The following RBFOX1 variants were observed in gnomAD, a reference collection of about 807,000 sequenced individuals.
RBFOX1 encodes RNA binding protein fox-1 homolog 1.
RBFOX1 carries 8 observed loss-of-function variants against 57.7 expected under a neutral mutation model. The ratio of observed to expected loss-of-function variants is 0.14; its 90% CI spans 0.08 to 0.25. The LOEUF is 0.25. RBFOX1 is among the 10% of genes least tolerant of loss of function. The pLI is 1.00. For missense variants in RBFOX1, 611 were observed against 548.5 expected (o/e 1.11, Z -1.14); for synonymous variants, 326 against 222.4 (o/e 1.47, Z -4.15).
At chr16:6,751,484 T>G (rs1380202124) in intron 3 of RBFOX1, among the ~76,000 whole-genome samples, 1 of 152,190 alleles carries the variant, frequency 6.6e-6, no homozygotes, top group Non-Finnish European at 1.5e-5. Context: ...TCTTAGTCCA[T>G]GTACAGCAAC....
chr16:6,597,776 G>A (rs1386816694), intron 2 of RBFOX1, among the ~76,000 whole-genome samples: 1 of 152,168 alleles, frequency 6.6e-6, no homozygotes, highest in Non-Finnish European at 1.5e-5. Flanking sequence ...CAGTTTAAAA[G>A]GAGCAAGCCA....
At chr16:5,339,987 T>C (rs1214760940) in intron 1 of RBFOX1, among the ~76,000 whole-genome samples, 1 of 152,148 alleles carries the variant, frequency 6.6e-6, no homozygotes, top group African/African-American at 2.4e-5. Context: ...TGTTGAGGAA[T>C]GAAGTGTACA....
intron 4 of RBFOX1, among the ~76,000 whole-genome samples, chr16:7,104,535 G>C (rs1471990310): frequency 6.6e-6 from 1 of 152,134 alleles, no homozygotes; most frequent in East Asian, 1.9e-4. Flanking sequence ...GCTTACCTAA[G>C]ATTACGCAAA....
intron 3 of RBFOX1, among the ~76,000 whole-genome samples, chr16:6,749,460 C>T (rs769626526): frequency 2.6e-5 from 4 of 152,092 alleles, no homozygotes; most frequent in African/African-American, 4.8e-5. Flanking sequence ...CATAACCGTC[C>T]GGGGAGGTAG....
chr16:6,910,420 G>T (rs1241747568), intron 3 of RBFOX1, among the ~76,000 whole-genome samples: 1 of 152,098 alleles, frequency 6.6e-6, no homozygotes, highest in Non-Finnish European at 1.5e-5. Flanking sequence ...CAGGAATTCT[G>T]TCCCCAGGTT....
chr16:7,456,102 G>A (rs72771181), intron 4 of RBFOX1, among the ~76,000 whole-genome samples: 130 of 152,280 alleles, frequency 8.5e-4, no homozygotes, highest in Non-Finnish European at 1.4e-3. Flanking sequence ...TTTTGAACAA[G>A]CGTTCCTACA....
intron 3 of RBFOX1, among the ~76,000 whole-genome samples, chr16:5,839,296 C>G (rs2056552822): frequency 6.6e-6 from 1 of 152,122 alleles, no homozygotes; most frequent in Non-Finnish European, 1.5e-5. Flanking sequence ...AAATCAGAAC[C>G]AGAAATCTCA....
chr16:6,039,541 G>T (rs548685359), intron 1 of RBFOX1, among the ~76,000 whole-genome samples: 34 of 152,126 alleles, frequency 2.2e-4, no homozygotes, highest in Admixed American at 2.2e-3. Context: ...CTCATTTAAA[G>T]CAAAACCTTT....
chr16:7,512,908 A>G (rs2152077811), intron 4 of RBFOX1, among the ~76,000 whole-genome samples: 1 of 152,330 alleles, frequency 6.6e-6, no homozygotes, highest in East Asian at 1.9e-4. Context: ...CACAGGGAGT[A>G]ACACACCAAC....
intron 4 of RBFOX1, among the ~76,000 whole-genome samples, chr16:7,372,963 G>T (rs527927187): frequency 1.2e-4 from 18 of 149,244 alleles, no homozygotes; most frequent in African/African-American, 4.5e-4. Context: ...ATGGAGTCTT[G>T]CTCTGTTGCC....
chr16:6,243,711 C>A (rs1425321930), intron 1 of RBFOX1, among the ~76,000 whole-genome samples: 1 of 152,186 alleles, frequency 6.6e-6, no homozygotes, highest in Non-Finnish European at 1.5e-5. Flanking sequence ...GAACCTGGTT[C>A]AGCCAGGCTG....
At chr16:6,168,979 C>T (rs2152761081) in intron 1 of RBFOX1, among the ~76,000 whole-genome samples, 1 of 152,212 alleles carries the variant, frequency 6.6e-6, no homozygotes, top group South Asian at 2.1e-4. Flanking sequence ...TGGGGTGCTA[C>T]AGCATGAATT....
chr16:6,639,762 C>G (rs987934774), intron 2 of RBFOX1, among the ~76,000 whole-genome samples: 8 of 152,158 alleles, frequency 5.3e-5, no homozygotes, highest in South Asian at 4.2e-4. Context: ...GCCTGTAGTC[C>G]CAGCTACTCG....
intron 3 of RBFOX1, among the ~76,000 whole-genome samples, chr16:6,747,358 G>A (rs1234499006): frequency 6.6e-6 from 1 of 152,026 alleles, no homozygotes; most frequent in African/African-American, 2.4e-5. Flanking sequence ...AGTGAGCCAA[G>A]ATGGCCCCAT....
chr16:6,253,857 T>C (rs2097643487), intron 1 of RBFOX1, among the ~76,000 whole-genome samples: 1 of 152,148 alleles, frequency 6.6e-6, no homozygotes, highest in Non-Finnish European at 1.5e-5. Flanking sequence ...CTTGCTTGCA[T>C]TGGTATTCCT....
Position 6,076,332 on chromosome 16 carries a change from G to A in RBFOX1, c.-127+56340G>A, listed in dbSNP as rs183328613. ...AAAAACAACAAACGCACAAACACAC[G>A]CGCACACACACACATACACACACAC... On this transcript the variant is annotated intron_variant, in intron 1 of 15. Transcript: ENST00000550418. Among the ~76,000 whole-genome samples, 97 of 148,362 alleles carry A rather than the reference G, an allele frequency of 6.5e-4. 1 individual carries two copies. The highest frequency in any genetic ancestry group is 1.9e-3 in the African/African-American group (76 of 39,914).
chr16:6,853,679 A>T (rs2057268032), intron 3 of RBFOX1, among the ~76,000 whole-genome samples: 1 of 152,098 alleles, frequency 6.6e-6, no homozygotes. Context: ...TAATTTGTGA[A>T]CCTGTAGCAA....
chr16:7,040,567 C>T (rs2045834282), intron 3 of RBFOX1, among the ~76,000 whole-genome samples: 3 of 152,288 alleles, frequency 2.0e-5, no homozygotes, highest in South Asian at 2.1e-4. Context: ...GTCCCTTCTT[C>T]TCCACTATTG....
At chr16:7,395,591 C>T (rs965525356) in intron 4 of RBFOX1, among the ~76,000 whole-genome samples, 2 of 152,188 alleles carry the variant, frequency 1.3e-5, no homozygotes, top group African/African-American at 4.8e-5. Flanking sequence ...GAGACAAAAG[C>T]TTATTACCTT....
Sources: gnomAD v4.1 joint callset for allele counts (sites outside exome capture counted in the v4.1 genomes callset) on GRCh38, gnomAD v4.1.1 for gene constraint, MANE v1.5 for transcripts, NCBI Gene and HGNC (gene_info 2026-07-23, HGNC 2026-07-21) for gene names.